Variants in C6orf118 observed in about 807,000 individuals in gnomAD.
The protein encoded by C6orf118 is uncharacterized protein C6orf118.
In C6orf118, 50 loss-of-function variants were observed where a neutral mutation model predicts 50.2. The ratio of observed to expected loss-of-function variants is 1.00; its 90% CI spans 0.79 to 1.26. C6orf118 has a LOEUF of 1.26. Ranked by LOEUF, C6orf118 falls within the 50% of genes most tolerant of loss-of-function variation. The pLI, the probability that C6orf118 is intolerant of heterozygous loss-of-function variation, is 0.00. For missense variants in C6orf118, 641 were observed against 578.7 expected (o/e 1.11, Z -1.10); for synonymous variants, 239 against 230.9 (o/e 1.03, Z -0.32).
At chr6:165,287,973 C>T (rs1382807728) in intron 7 of C6orf118, among the ~76,000 whole-genome samples, 1 of 152,126 alleles carries the variant, frequency 6.6e-6, no homozygotes, top group Admixed American at 6.6e-5. Flanking sequence ...GCAAAAGAAA[C>T]TATCATCAGA....
intron 7 of C6orf118, among the ~76,000 whole-genome samples, chr6:165,284,492 TG>T (rs1779837605): frequency 6.6e-6 from 1 of 151,954 alleles, no homozygotes; most frequent in African/African-American, 2.4e-5. Context: ...AAATACTCCA[TG>T]AGAAGATTAA....
intron 8 of C6orf118, among the ~76,000 whole-genome samples, chr6:165,281,274 A>G (rs1285231917): frequency 1.3e-5 from 2 of 152,262 alleles, no homozygotes; most frequent in East Asian, 1.9e-4. Flanking sequence ...TCATTTATAT[A>G]TGACTAAATA....
chr6:165,295,998 A>G (rs13199437), intron 5 of C6orf118, among the ~76,000 whole-genome samples: 5 of 133,458 alleles, frequency 3.7e-5, no homozygotes, highest in African/African-American at 1.4e-4. Flanking sequence ...TGGCTTTCTC[A>G]CTTATGTGGA....
At chr6:165,283,051 G>A (rs1030506058) in intron 7 of C6orf118, among the ~76,000 whole-genome samples, 2 of 152,016 alleles carry the variant, frequency 1.3e-5, no homozygotes, top group African/African-American at 4.8e-5. Context: ...TGCAGGGAGG[G>A]GCCAAGATGG....
At chr6:165,307,179 T>C (rs915046145) in intron 1 of C6orf118, among the ~76,000 whole-genome samples, 3 of 151,846 alleles carry the variant, frequency 2.0e-5, no homozygotes, top group Admixed American at 6.6e-5. Flanking sequence ...TTTTTATTTG[T>C]TTGTTTCTTT....
rs200427522 is a variant in C6orf118 at position 165,298,759 on chromosome 6, A to G, written c.937-658T>C. ...TTATGAAAAGGCTCAGCACAAAGAA[A>G]ATGGTACTCACATCTTATTTTACAT... is the stretch of plus-strand genomic sequence containing the variant. On this transcript the variant is annotated intron_variant, in intron 4 of 8. Coordinates refer to ENST00000230301, the MANE Select transcript of C6orf118 (RefSeq NM_144980.4). Among the ~76,000 whole-genome samples the G allele has an allele frequency of 5.3e-5, 8 of 152,356 alleles. No homozygotes were observed. In the East Asian group the frequency reaches 9.6e-4, roughly 18 times the overall value.
intron 4 of C6orf118, among the ~76,000 whole-genome samples, chr6:165,299,106 A>G (rs1312539435): frequency 3.3e-5 from 5 of 152,248 alleles, no homozygotes; most frequent in African/African-American, 1.2e-4. Context: ...CACACCAGCC[A>G]TCACAATGCA....
intron 6 of C6orf118, among the ~76,000 whole-genome samples, chr6:165,292,078 G>A (rs913987612): frequency 6.6e-6 from 1 of 152,168 alleles, no homozygotes; most frequent in Non-Finnish European, 1.5e-5. Flanking sequence ...CAAACTGAAA[G>A]AAACTACAAA....
intron 4 of C6orf118, among the ~76,000 whole-genome samples, chr6:165,298,303 C>T (rs143583379): frequency 6.6e-5 from 10 of 152,198 alleles, no homozygotes; most frequent in Non-Finnish European, 1.2e-4. Flanking sequence ...CGGTAAAATA[C>T]CTTTTTCAAT....
intron 1 of C6orf118, among the ~76,000 whole-genome samples, chr6:165,308,800 C>CCG (rs1176889470): frequency 2.0e-5 from 3 of 152,180 alleles, no homozygotes; most frequent in Admixed American, 2.0e-4. Flanking sequence ...GCCTCCAAGA[C>CCG]CACGCTCTCA....
In C6orf118 at chr6:165,301,675, C is replaced by T; in HGVS notation, c.647G>A (p.Arg216Lys). ...TTCCTTCTGGAAACGCAGGAACATCCTGTACCTGTCTGCGCTGGTGGCTCC... is the reference window on the plus strand; with the variant it reads ...TTCCTTCTGGAAACGCAGGAACATCTTGTACCTGTCTGCGCTGGTGGCTCC... ...LAGATSADRY[R>K]MFLRFQKEVL... The change falls in exon 2 of 9, where the codon AGG becomes AAG. Residue 216 changes from arginine to lysine, a missense_variant. Coordinates refer to ENST00000230301, the MANE Select transcript of C6orf118 (RefSeq NM_144980.4). 2 of 1,614,182 alleles carry T rather than the reference C, an allele frequency of 1.2e-6. No individual in the cohort carries two copies. The highest frequency in any genetic ancestry group is 2.7e-5 in the African/African-American group (2 of 75,042).
At chr6:165,294,071 C>T (rs1780201132) in intron 5 of C6orf118, among the ~76,000 whole-genome samples, 1 of 151,684 alleles carries the variant, frequency 6.6e-6, no homozygotes, top group Non-Finnish European at 1.5e-5. Flanking sequence ...ACGGTGAAAC[C>T]CCATCTCCAC....
rs1256623516 is a variant in C6orf118, at chr6:165,301,677, G to A, written c.645C>T (p.Tyr215=). The A allele has an allele frequency of 3.7e-6, 6 of 1,614,158 alleles. No individual in the cohort carries two copies. The South Asian group carries it at 6.6e-5, about 18-fold the overall frequency. Residue 215 remains tyrosine (Y), a synonymous_variant, in exon 2 of 9, where the codon TAC becomes TAT. Coordinates refer to ENST00000230301, the MANE Select transcript of C6orf118 (RefSeq NM_144980.4). ...CCTTCTGGAAACGCAGGAACATCCT[G>A]TACCTGTCTGCGCTGGTGGCTCCGG... ...YLAGATSADR[Y]RMFLRFQKEV... is the part of the protein sequence containing the mutation.
chr6:165,294,489 C>G (rs1780224924), intron 5 of C6orf118, among the ~76,000 whole-genome samples: 2 of 152,174 alleles, frequency 1.3e-5, no homozygotes, highest in South Asian at 4.1e-4. Context: ...TAATTTAAAG[C>G]CAAATGTCTA....
At chr6:165,296,265 T>TG (rs1780303054) in intron 5 of C6orf118, among the ~76,000 whole-genome samples, 1 of 146,756 alleles carries the variant, frequency 6.8e-6, no homozygotes, top group Non-Finnish European at 1.5e-5. Context: ...TTTTTTTTTT[T>TG]TTTTTTTTTT....
intron 7 of C6orf118, among the ~76,000 whole-genome samples, chr6:165,288,583 A>T (rs1204040670): frequency 5.3e-5 from 8 of 152,176 alleles, no homozygotes; most frequent in Non-Finnish European, 1.0e-4. Flanking sequence ...GTATATATAC[A>T]CCATGGAATA....
intron 4 of C6orf118, among the ~76,000 whole-genome samples, 165 bp downstream of exon 4, chr6:165,299,278 T>C (rs1312377241): frequency 3.3e-5 from 5 of 152,228 alleles, no homozygotes; most frequent in Non-Finnish European, 5.9e-5. Context: ...ATCAATAATG[T>C]TATTAAGGCA....
At chr6:165,299,417 T>C in intron 4 of C6orf118, 26 bp downstream of exon 4, 1 of 1,610,680 alleles carries the variant, frequency 6.2e-7, no homozygotes, top group Non-Finnish European at 8.5e-7. Context: ...CAGGCTCTAT[T>C]CAGGCTCTTT....
Position 165,292,129 on chromosome 6 carries a change from T to C in C6orf118, c.1120+1284A>G, listed in dbSNP as rs549200029. ...TCCGCCTTAACCTAAGCTGAAGGTT[T>C]CAGCCCAAAACCATCAGCTGAGTTC... On this transcript the variant is annotated intron_variant, in intron 6 of 8. Transcript: ENST00000230301. 2.6e-4 allele frequency among the ~76,000 whole-genome samples: 40 copies of C among 152,304 alleles called. No individual in the cohort carries two copies. The South Asian group carries it at 7.2e-3, about 28-fold the overall frequency.
Sources: gnomAD v4.1 joint callset for allele counts (sites outside exome capture counted in the v4.1 genomes callset) on GRCh38, gnomAD v4.1.1 for gene constraint, MANE v1.5 for transcripts, NCBI Gene and HGNC (gene_info 2026-07-23, HGNC 2026-07-21) for gene names.